The following NSRP1 variants were observed in gnomAD, a reference collection of about 807,000 sequenced individuals.
NSRP1 encodes nuclear speckle splicing regulatory protein 1, also known as coiled-coil domain containing 55.
A neutral mutation model predicts 54.7 loss-of-function variants in NSRP1; 24 were observed. The ratio of observed to expected loss-of-function variants is 0.44; its 90% CI spans 0.32 to 0.62. The LOEUF (loss-of-function observed/expected upper bound fraction) is 0.62, where lower values mean the gene tolerates loss of function less well. Among genes scored for constraint, NSRP1 ranks in the 20% least tolerant of loss-of-function variants. The pLI is 0.06. For missense variants in NSRP1, 596 were observed against 651.2 expected (o/e 0.92, Z 0.92); for synonymous variants, 210 against 213.8 (o/e 0.98, Z 0.15).
chr17:30,123,275 G>A (rs1052682303), intron 2 of NSRP1, among the ~76,000 whole-genome samples: 2 of 151,810 alleles, frequency 1.3e-5, no homozygotes, highest in Non-Finnish European at 2.9e-5. Flanking sequence ...GTGCCACTAC[G>A]CCCAGCTAAT....
chr17:30,159,925 G>A (rs984551271), intron 2 of NSRP1, among the ~76,000 whole-genome samples: 4 of 152,174 alleles, frequency 2.6e-5, no homozygotes, highest in Non-Finnish European at 4.4e-5. Flanking sequence ...GCCTCCCAAA[G>A]TGCTGGGATT....
rs1385338828 is a variant in NSRP1 at position 30,181,160 on chromosome 17, C to T, written c.617+144C>T. On this transcript the variant is annotated intron_variant, in intron 6 of 6. Transcript: ENST00000247026. ...CAGCCTTACCTAACTGAATGAATGGCTAGAAATTTGCAGTTTCTTGATTTT... is the reference window on the plus strand; with the variant it reads ...CAGCCTTACCTAACTGAATGAATGGTTAGAAATTTGCAGTTTCTTGATTTT... 9.8e-6 allele frequency: 6 copies of T among 609,672 alleles called. No homozygotes were observed. The East Asian group carries it at 1.5e-4, about 15-fold the overall frequency. The allele number at this position is 609,672 out of a possible 1,614,324, so 37.8% of individuals were successfully genotyped here.
intron 2 of NSRP1, among the ~76,000 whole-genome samples, chr17:30,165,825 CAT>C (rs1248894313): frequency 2.0e-5 from 3 of 152,096 alleles, no homozygotes; most frequent in Admixed American, 6.5e-5. Context: ...CAAAAGAAAA[CAT>C]ATACAGCCTT....
intron 2 of NSRP1, among the ~76,000 whole-genome samples, chr17:30,143,826 A>C (rs994710919): frequency 1.3e-5 from 2 of 152,142 alleles, no homozygotes; most frequent in African/African-American, 4.8e-5. Context: ...AAAATAAAGA[A>C]TGTAATTGAA....
chr17:30,174,193 T>G (rs1298896507), intron 3 of NSRP1, among the ~76,000 whole-genome samples: 2 of 152,214 alleles, frequency 1.3e-5, no homozygotes, highest in Non-Finnish European at 2.9e-5. Flanking sequence ...ATCCCAAATC[T>G]GATTTTATTC....
chr17:30,139,067 G>A (rs1345261460), intron 2 of NSRP1, among the ~76,000 whole-genome samples: 1 of 151,432 alleles, frequency 6.6e-6, no homozygotes, highest in Non-Finnish European at 1.5e-5. Context: ...ATAGGCGCCT[G>A]CTACCATGCC....
In NSRP1 at chr17:30,118,083, T is replaced by G. The variant is rs777452903; in HGVS notation, c.24T>G (p.Tyr8Ter). The G allele has an allele frequency of 6.2e-6, 10 of 1,613,110 alleles. No homozygotes were observed. The South Asian group carries it at 1.1e-4, about 18-fold the overall frequency. The change falls in exon 2 of 7, where the codon TAT (tyrosine) becomes TAG (stop). Residue 8 changes from tyrosine (Y) to a stop codon, truncating the protein, a stop_gained. Coordinates refer to ENST00000247026, the MANE Select transcript of NSRP1 (RefSeq NM_032141.4). LOFTEE classifies it high-confidence loss of function. MAIPGRQ[Y>*]GLILPKKTQQ... ...ATTTCAAAAAAAATATATGCAGGTATGGGCTTATTTTGCCAAAGAAAACAC... is the reference window on the plus strand; with the variant it reads ...ATTTCAAAAAAAATATATGCAGGTAGGGGCTTATTTTGCCAAAGAAAACAC...
In NSRP1 at chr17:30,184,777, A is replaced by G. The variant is rs1905450890; in HGVS notation, c.780A>G (p.Ile260Met). The G allele has an allele frequency of 6.2e-7, 1 of 1,614,090 alleles. No individual in the cohort carries two copies. The highest frequency in any genetic ancestry group is 8.5e-7 in the Non-Finnish European group (1 of 1,179,988). ...FDAKSSADDE[I>M]EETRVNCRRE... ...CTAAGAGCAGTGCGGATGATGAAAT[A>G]GAAGAAACTAGAGTGAACTGCAGAA... The change falls in exon 7 of 7, where the codon ATA becomes ATG. Residue 260 changes from isoleucine to methionine, a missense_variant. Transcript: ENST00000247026.
intron 6 of NSRP1, among the ~76,000 whole-genome samples, chr17:30,183,621 TGTGATTAGTAA>T (rs1300584402): frequency 1.3e-5 from 2 of 152,196 alleles, no homozygotes; most frequent in African/African-American, 2.4e-5. Context: ...GCACCATTAG[TGTGATTAGTAA>T]GTGATTAGTA....
chr17:30,172,477 A>C (rs909929578), intron 2 of NSRP1, 65 bp from the exon 3 acceptor site: 3 of 1,264,724 alleles, frequency 2.4e-6, no homozygotes, highest in Non-Finnish European at 3.3e-6. Context: ...TAGATAGGGG[A>C]CGCTCGTACT....
chr17:30,128,925 T>G (rs1461920576), intron 2 of NSRP1, among the ~76,000 whole-genome samples: 4 of 151,846 alleles, frequency 2.6e-5, no homozygotes, highest in Admixed American at 6.6e-5. Context: ...TTTTGTTTTT[T>G]TTTTTTTAAT....
At chr17:30,135,715 C>T (rs926602727) in intron 2 of NSRP1, among the ~76,000 whole-genome samples, 14 of 151,062 alleles carry the variant, frequency 9.3e-5, no homozygotes, top group African/African-American at 2.9e-4. Context: ...ACCTAGTGAC[C>T]CGCCTCGGCC....
chr17:30,142,027 C>G (rs1398796260), intron 2 of NSRP1, among the ~76,000 whole-genome samples: 1 of 152,138 alleles, frequency 6.6e-6, no homozygotes, highest in East Asian at 1.9e-4. Context: ...ATGTGAATAT[C>G]TTTAGGTGGG....
rs1904781206 is a variant in NSRP1 at position 30,167,623 on chromosome 17, G to T, written c.115-4919G>T. 2.0e-5 allele frequency among the ~76,000 whole-genome samples: 3 copies of T among 151,668 alleles called. No homozygotes were observed. The South Asian group carries it at 6.2e-4, about 32-fold the overall frequency. On this transcript the variant is annotated intron_variant, in intron 2 of 6. Transcript: ENST00000247026. ...GACTCTGTCTTAAAAAAAAAAATAA[G>T]ATCTTACTGATCTGCTTTTAATTGT...
intron 3 of NSRP1, among the ~76,000 whole-genome samples, chr17:30,177,663 T>C (rs182492908): frequency 6.0e-4 from 91 of 152,320 alleles, no homozygotes; most frequent in Middle Eastern, 3.4e-3. Context: ...GGTGTTTCCA[T>C]CGTACCTTTT....
At chr17:30,117,816 A>T (rs1171687152) in intron 1 of NSRP1, 6 of 338,176 alleles carry the variant, frequency 1.8e-5, no homozygotes, top group Non-Finnish European at 3.2e-5. Context: ...AACATTTCTG[A>T]ACTTTTCATT....
intron 2 of NSRP1, among the ~76,000 whole-genome samples, chr17:30,119,959 T>C (rs2071582328): frequency 6.6e-6 from 1 of 152,228 alleles, no homozygotes; most frequent in Non-Finnish European, 1.5e-5. Flanking sequence ...AGTGTACAGC[T>C]TGATGATTTT....
At position 30,185,698 on chromosome 17, in the gene NSRP1, A is replaced by G; in HGVS notation, c.*24A>G. ...GATGGCTACCCCAAGAGAAAGATTT[A>G]AGGAAGCACAGAAAACTGTAATTCC... is the stretch of plus-strand genomic sequence containing the variant. On this transcript the variant is annotated 3_prime_UTR_variant, in exon 7 of 7. Transcript: ENST00000247026. 6.6e-7 allele frequency: 1 copy of G among 1,508,124 alleles called. No individual in the cohort carries two copies. Among genetic ancestry groups the G allele is most frequent in the Non-Finnish European group, 8.8e-7 (1 of 1,133,456 alleles). 93.4% of individuals were successfully genotyped at this position (1,508,124 alleles called of 1,614,324 possible).
At chr17:30,164,984 A>G (rs1904678726) in intron 2 of NSRP1, among the ~76,000 whole-genome samples, 2 of 152,118 alleles carry the variant, frequency 1.3e-5, no homozygotes, top group African/African-American at 4.8e-5. Context: ...TCCCTAGATA[A>G]CTTGTAAGCT....
Sources: gnomAD v4.1 joint callset for allele counts (sites outside exome capture counted in the v4.1 genomes callset) on GRCh38, gnomAD v4.1.1 for gene constraint, MANE v1.5 for transcripts, NCBI Gene and HGNC (gene_info 2026-07-23, HGNC 2026-07-21) for gene names.